RPS6KC1: variants seen among roughly 807,000 people sequenced by gnomAD.
RPS6KC1 encodes the protein ribosomal protein S6 kinase C1.
RPS6KC1 carries 54 observed loss-of-function variants against 103.8 expected under a neutral mutation model. The ratio of observed to expected loss-of-function variants is 0.52; its 90% CI spans 0.42 to 0.65. RPS6KC1 has a LOEUF of 0.65. Ranked by LOEUF, RPS6KC1 falls within the 30% of genes least tolerant of loss-of-function variation. RPS6KC1 has a pLI of 0.00. For missense variants in RPS6KC1, 1,151 were observed against 1,253.8 expected, an observed-to-expected ratio of 0.92 and a Z score of 1.24; for synonymous variants, 439 against 438.7, an observed-to-expected ratio of 1.00 and a Z score of -0.01.
the RPS6KC1 span, among the ~76,000 whole-genome samples, chr1:213,544,218 A>G: frequency 6.6e-6 from 1 of 152,184 alleles, no homozygotes; most frequent in Non-Finnish European, 1.5e-5. Context: ...GCCTGCAGAA[A>G]GTGAAGGCGA....
At chr1:213,282,163 G>C in the RPS6KC1 span, among the ~76,000 whole-genome samples, 1 of 152,216 alleles carries the variant, frequency 6.6e-6, no homozygotes, top group African/African-American at 2.4e-5. Context: ...ACTGATGGGG[G>C]CCCTGTCACA....
At chr1:213,752,166 C>G in the RPS6KC1 span, among the ~76,000 whole-genome samples, 2 of 151,990 alleles carry the variant, frequency 1.3e-5, no homozygotes, top group Non-Finnish European at 2.9e-5. Flanking sequence ...AGAGAAAATA[C>G]CCTTCGATAG....
chr1:213,404,532 CT>C, the RPS6KC1 span, among the ~76,000 whole-genome samples: 5 of 152,158 alleles, frequency 3.3e-5, no homozygotes, highest in African/African-American at 1.2e-4. Flanking sequence ...TGAATCCATG[CT>C]ACGTGAGGAC....
At chr1:213,679,856 A>G in the RPS6KC1 span, among the ~76,000 whole-genome samples, 2 of 152,246 alleles carry the variant, frequency 1.3e-5, no homozygotes, top group Non-Finnish European at 1.5e-5. Context: ...ATTAAAAAAT[A>G]ACACAGCCAG....
the RPS6KC1 span, among the ~76,000 whole-genome samples, chr1:213,398,562 G>T: frequency 6.6e-6 from 1 of 152,036 alleles, no homozygotes; most frequent in South Asian, 2.1e-4. Context: ...GACCCCAGAT[G>T]CATGTTTGCC....
chr1:213,500,118 G>T, the RPS6KC1 span, among the ~76,000 whole-genome samples: 1 of 152,024 alleles, frequency 6.6e-6, no homozygotes, highest in African/African-American at 2.4e-5. Flanking sequence ...TTTTTTACCT[G>T]TTTGACTCTT....
intron 8 of RPS6KC1, among the ~76,000 whole-genome samples, chr1:213,219,464 A>C (rs1461623625): frequency 1.3e-5 from 2 of 152,176 alleles, no homozygotes; most frequent in African/African-American, 4.8e-5. Context: ...TTCCTCAGGG[A>C]TCTAGAACTA....
At chr1:213,415,787 A>G in the RPS6KC1 span, among the ~76,000 whole-genome samples, 1 of 152,214 alleles carries the variant, frequency 6.6e-6, no homozygotes, top group Non-Finnish European at 1.5e-5. Flanking sequence ...GGCTTCAGGA[A>G]TGCAGCCTGT....
At chr1:213,793,757 C>T in the RPS6KC1 span, among the ~76,000 whole-genome samples, 1 of 152,180 alleles carries the variant, frequency 6.6e-6, no homozygotes, top group Non-Finnish European at 1.5e-5. Context: ...CCCCCTTATG[C>T]TCATGAACAC....
At chr1:213,846,648 C>A in the RPS6KC1 span, among the ~76,000 whole-genome samples, 1 of 152,104 alleles carries the variant, frequency 6.6e-6, no homozygotes, top group Non-Finnish European at 1.5e-5. Flanking sequence ...ATCAAGTGCA[C>A]AATTGATTGC....
chr1:213,513,442 T>G, the RPS6KC1 span, among the ~76,000 whole-genome samples: 1 of 138,122 alleles, frequency 7.2e-6, no homozygotes, highest in Non-Finnish European at 1.6e-5. Context: ...TCAGGGGACT[T>G]TGTAGTAGAA....
At chr1:213,707,397 T>C in the RPS6KC1 span, among the ~76,000 whole-genome samples, 1 of 151,052 alleles carries the variant, frequency 6.6e-6, no homozygotes, top group Non-Finnish European at 1.5e-5. Context: ...GATGGGGTTG[T>C]TTTTTTTTCT....
At chr1:213,802,089 G>A in the RPS6KC1 span, among the ~76,000 whole-genome samples, 5 of 152,202 alleles carry the variant, frequency 3.3e-5, no homozygotes, top group African/African-American at 1.2e-4. Context: ...TATGGTCGCT[G>A]CCCATGACAA....
Position 213,068,879 on chromosome 1 carries a change from G to A in RPS6KC1, c.106-2127G>A, listed in dbSNP as rs1484469050. ...AAAAAAAAAAAGTGTATATATGTGT[G>A]TGTGTGTGTGTGTGTGTGTGTGTGT... On this transcript the variant is annotated intron_variant, in intron 1 of 14. Coordinates refer to ENST00000366960, the MANE Select transcript of RPS6KC1 (RefSeq NM_012424.6). Among the ~76,000 whole-genome samples the A allele has an allele frequency of 9.6e-4, 116 of 120,856 alleles. 2 individuals are homozygous for A. In the East Asian group the frequency reaches 0.027, roughly 28 times the overall value. 79.3% of individuals were successfully genotyped at this position (120,856 alleles called of 152,430 possible).
the RPS6KC1 span, chr1:213,794,609 C>A: frequency 6.6e-6 from 1 of 152,066 alleles, no homozygotes; most frequent in African/African-American, 2.4e-5. Flanking sequence ...TGTCTGATGA[C>A]AAGGATGGAT....
the RPS6KC1 span, among the ~76,000 whole-genome samples, chr1:213,750,322 G>T: frequency 6.6e-6 from 1 of 152,198 alleles, no homozygotes; most frequent in African/African-American, 2.4e-5. Flanking sequence ...CCATTTTATT[G>T]GTAGTCTGAG....
the RPS6KC1 span, among the ~76,000 whole-genome samples, chr1:213,825,273 A>T: frequency 3.3e-5 from 5 of 152,220 alleles, no homozygotes; most frequent in African/African-American, 1.2e-4. Flanking sequence ...TTTCCACAGC[A>T]CTAGAAACAA....
chr1:213,214,628 G>A (rs1053385035), intron 8 of RPS6KC1, among the ~76,000 whole-genome samples: 1 of 152,220 alleles, frequency 6.6e-6, no homozygotes, highest in African/African-American at 2.4e-5. Flanking sequence ...GCACCCCCCA[G>A]TAGGGGCAGA....
At chr1:213,185,519 AT>A (rs2092481777) in intron 8 of RPS6KC1, among the ~76,000 whole-genome samples, 1 of 152,110 alleles carries the variant, frequency 6.6e-6, no homozygotes, top group Admixed American at 6.5e-5. Flanking sequence ...ATGGTGGTCC[AT>A]GCCTGTAATC....
Sources: gnomAD v4.1 joint callset for allele counts (sites outside exome capture counted in the v4.1 genomes callset) on GRCh38, gnomAD v4.1.1 for gene constraint, MANE v1.5 for transcripts, NCBI Gene and HGNC (gene_info 2026-07-23, HGNC 2026-07-21) for gene names.